The following GALNTL6 variants were observed in gnomAD, a reference collection of about 807,000 sequenced individuals.
The protein encoded by GALNTL6 is polypeptide N-acetylgalactosaminyltransferase like 6, also known as polypeptide N-acetylgalactosaminyltransferase-like 6.
A neutral mutation model predicts 73.7 loss-of-function variants in GALNTL6; 46 were observed. The observed-to-expected ratio is 0.62, with a 90% CI of 0.49 to 0.80. GALNTL6 has a LOEUF of 0.80. GALNTL6 is among the 30% of genes least tolerant of loss of function. The pLI, the probability that GALNTL6 is intolerant of heterozygous loss-of-function variation, is 0.00. For synonymous variants in GALNTL6, 259 were observed against 263.7 expected (o/e 0.98, Z 0.17); for missense variants, 604 against 755.0 (o/e 0.80, Z 2.34).
intron 2 of GALNTL6, among the ~76,000 whole-genome samples, chr4:171,819,760 CAGACTT>C (rs1391339101): frequency 2.0e-5 from 3 of 152,074 alleles, no homozygotes; most frequent in South Asian, 2.1e-4. Flanking sequence ...AATATAGAAT[CAGACTT>C]AGATATGTTT....
intron 2 of GALNTL6, among the ~76,000 whole-genome samples, chr4:171,820,428 A>G (rs1481698074): frequency 6.6e-6 from 1 of 152,246 alleles, no homozygotes; most frequent in Non-Finnish European, 1.5e-5. Flanking sequence ...TCATTTTATT[A>G]ATTCATTTAG....
At chr4:172,396,372 G>T (rs1055738999) in intron 5 of GALNTL6, among the ~76,000 whole-genome samples, 2 of 142,716 alleles carry the variant, frequency 1.4e-5, no homozygotes, top group African/African-American at 5.3e-5. Flanking sequence ...ATTTACCATA[G>T]TCCTCACTGC....
intron 2 of GALNTL6, among the ~76,000 whole-genome samples, chr4:171,848,982 C>T (rs1007875979): frequency 1.5e-4 from 23 of 151,804 alleles, no homozygotes; most frequent in African/African-American, 5.6e-4. Flanking sequence ...TTTACATGGA[C>T]ATATTGCCTA....
intron 2 of GALNTL6, among the ~76,000 whole-genome samples, chr4:172,087,306 G>T (rs529014371): frequency 2.0e-5 from 3 of 151,808 alleles, no homozygotes; most frequent in Non-Finnish European, 4.4e-5. Context: ...TTAGCCGGGC[G>T]TGGGGGTGGG....
At chr4:172,829,084 A>T (rs970251563) in intron 7 of GALNTL6, among the ~76,000 whole-genome samples, 3 of 152,166 alleles carry the variant, frequency 2.0e-5, no homozygotes, top group Non-Finnish European at 4.4e-5. Context: ...CCGTGCCTTC[A>T]CATCCTCTCC....
intron 8 of GALNTL6, among the ~76,000 whole-genome samples, chr4:172,906,094 G>A (rs1579636370): frequency 1.3e-5 from 2 of 152,262 alleles, no homozygotes; most frequent in Admixed American, 1.3e-4. Flanking sequence ...CTTGCTGGTG[G>A]CCAGAACTTC....
At chr4:172,923,340 G>A (rs1259505689) in intron 8 of GALNTL6, among the ~76,000 whole-genome samples, 1 of 152,064 alleles carries the variant, frequency 6.6e-6, no homozygotes, top group Non-Finnish European at 1.5e-5. Flanking sequence ...AAAGCCGTCA[G>A]CTCTCATAAG....
intron 2 of GALNTL6, among the ~76,000 whole-genome samples, chr4:171,844,959 T>G (rs1735333221): frequency 6.6e-6 from 1 of 152,132 alleles, no homozygotes; most frequent in African/African-American, 2.4e-5. Context: ...TATCTGCAGG[T>G]TTGCTAGTCT....
intron 2 of GALNTL6, among the ~76,000 whole-genome samples, chr4:171,924,016 T>C (rs1737891774): frequency 6.6e-6 from 1 of 151,922 alleles, no homozygotes; most frequent in Non-Finnish European, 1.5e-5. Context: ...TACAACAAAA[T>C]TATTGGTTGA....
intron 10 of GALNTL6, among the ~76,000 whole-genome samples, chr4:172,959,270 G>A (rs1018276189): frequency 2.0e-5 from 3 of 152,078 alleles, no homozygotes; most frequent in African/African-American, 7.2e-5. Context: ...TGGGGGAAAA[G>A]GTGGCAATGA....
intron 5 of GALNTL6, among the ~76,000 whole-genome samples, chr4:172,712,346 G>C (rs1300688283): frequency 6.6e-6 from 1 of 152,062 alleles, no homozygotes; most frequent in Non-Finnish European, 1.5e-5. Context: ...GAACGTGCAG[G>C]TTAGTTACGT....
chr4:172,742,298 C>T (rs770354151), intron 5 of GALNTL6, among the ~76,000 whole-genome samples: 11 of 151,738 alleles, frequency 7.2e-5, no homozygotes, highest in Non-Finnish European at 1.2e-4. Context: ...AGTACTATGA[C>T]GCACCACAGA....
intron 2 of GALNTL6, among the ~76,000 whole-genome samples, chr4:171,848,636 C>T (rs1412122483): frequency 2.0e-5 from 3 of 152,160 alleles, no homozygotes; most frequent in African/African-American, 7.2e-5. Context: ...ACTGCTTCAC[C>T]TTGCATTTTT....
At chr4:172,089,134 C>G (rs900059487) in intron 2 of GALNTL6, among the ~76,000 whole-genome samples, 5 of 152,106 alleles carry the variant, frequency 3.3e-5, no homozygotes, top group African/African-American at 1.2e-4. Flanking sequence ...ACAGTTGAGT[C>G]TCATCTTAGG....
chr4:172,621,426 T>C (rs1177765645), intron 5 of GALNTL6, among the ~76,000 whole-genome samples: 2 of 152,044 alleles, frequency 1.3e-5, no homozygotes, highest in African/African-American at 2.4e-5. Context: ...TGCAGGTTAG[T>C]TCTTGTCTTT....
At chr4:172,082,430 T>C (rs1042705608) in intron 2 of GALNTL6, among the ~76,000 whole-genome samples, 4 of 151,878 alleles carry the variant, frequency 2.6e-5, no homozygotes, top group Non-Finnish European at 4.4e-5. Flanking sequence ...GGGCACAAAA[T>C]GAAATATGTG....
At chr4:172,248,477 G>A (rs750227877) in intron 3 of GALNTL6, among the ~76,000 whole-genome samples, 2 of 152,126 alleles carry the variant, frequency 1.3e-5, no homozygotes, top group African/African-American at 4.8e-5. Context: ...TGACTGTCTA[G>A]AACAGTCACC....
intron 5 of GALNTL6, among the ~76,000 whole-genome samples, chr4:172,481,385 C>CG (rs372602774): frequency 1.3e-5 from 2 of 151,956 alleles, no homozygotes; most frequent in East Asian, 3.9e-4. Flanking sequence ...TTGCAAAGAG[C>CG]AAAAGAGCAA....
rs185326672 is a variant in GALNTL6 at position 172,801,597 on chromosome 4, A to G, written c.554-7764A>G. On this transcript the variant is annotated intron_variant, in intron 5 of 12. Transcript: ENST00000506823. ...CTAAACCTGGGAAAAAGCTTTCCACAAGGCACACAGGGCACTAGGTCTGGG... is the reference window on the plus strand; with the variant it reads ...CTAAACCTGGGAAAAAGCTTTCCACGAGGCACACAGGGCACTAGGTCTGGG... Among the ~76,000 whole-genome samples the G allele has an allele frequency of 1.6e-3, 237 of 152,278 alleles. 5 individuals carry two copies. Among genetic ancestry groups the G allele is most frequent in the Non-Finnish European group, 4.6e-4 (31 of 68,016 alleles).
Sources: allele counts gnomAD v4.1 joint callset (sites outside exome capture counted in the v4.1 genomes callset), GRCh38; gene constraint gnomAD v4.1.1; transcripts MANE v1.5; gene names NCBI Gene and HGNC (gene_info 2026-07-23, HGNC 2026-07-21).